CNTN4: variants seen among roughly 807,000 people sequenced by gnomAD.
CNTN4 encodes contactin-4.
CNTN4 carries 77 observed loss-of-function variants against 122.5 expected under a neutral mutation model. The observed-to-expected ratio is 0.63, with a 90% CI of 0.52 to 0.76. The LOEUF (loss-of-function observed/expected upper bound fraction) is 0.76. Among genes scored for constraint, CNTN4 ranks in the 30% least tolerant of loss-of-function variants. CNTN4 has a pLI of 0.00. For missense variants in CNTN4, 1,256 were observed against 1,259.1 expected, an observed-to-expected ratio of 1.00 and a Z score of 0.04; for synonymous variants, 512 against 447.0, an observed-to-expected ratio of 1.15 and a Z score of -1.83.
intron 2 of CNTN4, among the ~76,000 whole-genome samples, chr3:2,213,066 G>C (rs922573710): frequency 6.6e-6 from 1 of 152,144 alleles, no homozygotes; most frequent in African/African-American, 2.4e-5. Flanking sequence ...CATAAATGCT[G>C]TGGTTTGTTT....
At chr3:2,875,466 G>A (rs1201103312) in intron 8 of CNTN4, among the ~76,000 whole-genome samples, 1 of 152,036 alleles carries the variant, frequency 6.6e-6, no homozygotes, top group Admixed American at 6.5e-5. Context: ...CTAAGCCAAG[G>A]ATCAGCCAAC....
At chr3:2,866,316 A>T (rs2093723320) in intron 7 of CNTN4, 1 of 211,880 alleles carries the variant, frequency 4.7e-6, no homozygotes, top group South Asian at 1.0e-4. Flanking sequence ...ATTATGATGT[A>T]ATATAATGAT....
At chr3:2,769,540 C>A (rs1294526911) in intron 6 of CNTN4, among the ~76,000 whole-genome samples, 1 of 151,496 alleles carries the variant, frequency 6.6e-6, no homozygotes, top group Non-Finnish European at 1.5e-5. Flanking sequence ...TTGATACTAT[C>A]TTTCTGTAAT....
At chr3:2,996,919 T>C (rs932065259) in intron 14 of CNTN4, among the ~76,000 whole-genome samples, 3 of 152,192 alleles carry the variant, frequency 2.0e-5, no homozygotes, top group Non-Finnish European at 4.4e-5. Context: ...CTCAGCATTA[T>C]TACAGTTATA....
chr3:2,479,543 A>T (rs563288901), intron 3 of CNTN4, among the ~76,000 whole-genome samples: 2 of 152,202 alleles, frequency 1.3e-5, no homozygotes, highest in Non-Finnish European at 2.9e-5. Flanking sequence ...GTATAACCTT[A>T]TAAGGGGGAT....
intron 12 of CNTN4, among the ~76,000 whole-genome samples, chr3:2,921,926 G>A (rs1435383685): frequency 6.6e-6 from 1 of 151,966 alleles, no homozygotes; most frequent in African/African-American, 2.4e-5. Context: ...TTACATAGAG[G>A]GCTTCTCTCA....
At chr3:2,471,069 C>A (rs973485806) in intron 3 of CNTN4, among the ~76,000 whole-genome samples, 1 of 152,108 alleles carries the variant, frequency 6.6e-6, no homozygotes, top group Admixed American at 6.5e-5. Context: ...AGTAAGAACA[C>A]CTATAGGAAT....
At chr3:2,586,997 A>G (rs1178059990) in intron 4 of CNTN4, among the ~76,000 whole-genome samples, 4 of 152,182 alleles carry the variant, frequency 2.6e-5, no homozygotes, top group Non-Finnish European at 4.4e-5. Flanking sequence ...ATAAACTTTT[A>G]GCTAATGAAA....
intron 2 of CNTN4, among the ~76,000 whole-genome samples, chr3:2,133,576 G>A (rs2034550750): frequency 2.0e-5 from 3 of 152,190 alleles, no homozygotes; most frequent in Admixed American, 1.3e-4. Flanking sequence ...TCTGATTTCT[G>A]TTTTTCCTAG....
chr3:2,767,852 T>G (rs957757809), intron 6 of CNTN4, among the ~76,000 whole-genome samples: 1 of 152,234 alleles, frequency 6.6e-6, no homozygotes, highest in African/African-American at 2.4e-5. Context: ...AATAAAAGCT[T>G]CTTACATAGC....
chr3:2,566,507 C>T (rs76260755), intron 3 of CNTN4, among the ~76,000 whole-genome samples: 13,214 of 152,244 alleles, frequency 0.087, 697 homozygotes, highest in Middle Eastern at 0.14. Flanking sequence ...TGTTGATTGG[C>T]TGCCTGCTCT....
intron 10 of CNTN4, among the ~76,000 whole-genome samples, chr3:2,895,735 A>G (rs1389703036): frequency 6.6e-6 from 1 of 152,158 alleles, no homozygotes; most frequent in African/African-American, 2.4e-5. Context: ...GGTTTCACTT[A>G]TTAAAATCAA....
chr3:2,583,984 G>T (rs2080063686), intron 4 of CNTN4, among the ~76,000 whole-genome samples: 1 of 152,136 alleles, frequency 6.6e-6, no homozygotes, highest in Admixed American at 6.5e-5. Flanking sequence ...ATAAGATCAT[G>T]GTCCTGGGGC....
chr3:2,399,178 G>C (rs2046749948), intron 3 of CNTN4, among the ~76,000 whole-genome samples: 1 of 152,078 alleles, frequency 6.6e-6, no homozygotes, highest in Non-Finnish European at 1.5e-5. Context: ...ATCTGTGTCA[G>C]TTTCTCTGGG....
intron 4 of CNTN4, among the ~76,000 whole-genome samples, chr3:2,691,846 C>G (rs2149195414): frequency 6.6e-6 from 1 of 152,302 alleles, no homozygotes; most frequent in East Asian, 1.9e-4. Context: ...TATAATTGAA[C>G]TGAGCTACAA....
chr3:2,884,021 A>T (rs2093941341), intron 9 of CNTN4, among the ~76,000 whole-genome samples: 1 of 152,178 alleles, frequency 6.6e-6, no homozygotes, highest in Non-Finnish European at 1.5e-5. Context: ...CTTTATGCCC[A>T]GCCCCATCTA....
At chr3:2,867,574 C>T (rs1191193327) in intron 8 of CNTN4, among the ~76,000 whole-genome samples, 1 of 152,146 alleles carries the variant, frequency 6.6e-6, no homozygotes, top group Non-Finnish European at 1.5e-5. Context: ...CCCTTTCCCA[C>T]CACGGGTTTT....
At chr3:2,431,192 G>A (rs2048056161) in intron 3 of CNTN4, among the ~76,000 whole-genome samples, 1 of 152,048 alleles carries the variant, frequency 6.6e-6, no homozygotes, top group Non-Finnish European at 1.5e-5. Flanking sequence ...GTTCTAAAAG[G>A]TATGGGCCGC....
chr3:2,741,873 T>C (rs1203242329), intron 5 of CNTN4, among the ~76,000 whole-genome samples: 5 of 152,338 alleles, frequency 3.3e-5, no homozygotes, highest in South Asian at 2.1e-4. Flanking sequence ...AAGCAAGCAG[T>C]GAAACAGAAA....
Sources: allele counts gnomAD v4.1 joint callset (sites outside exome capture counted in the v4.1 genomes callset), GRCh38; gene constraint gnomAD v4.1.1; transcripts MANE v1.5; gene names NCBI Gene and HGNC (gene_info 2026-07-23, HGNC 2026-07-21).